TECTB: variants seen among roughly 807,000 people sequenced by gnomAD.
TECTB encodes tectorin beta, also known as beta-tectorin.
Under a neutral mutation model 43.3 loss-of-function variants are expected in TECTB, and 45 were observed. That is an observed-to-expected ratio of 1.04 (90% CI 0.82 to 1.33). The LOEUF is 1.33. TECTB is among the 40% of genes most tolerant of loss of function. The pLI, the probability that TECTB is intolerant of heterozygous loss-of-function variation, is 0.00. For missense variants in TECTB, 399 were observed against 404.7 expected (o/e 0.99, Z 0.12); for synonymous variants, 169 against 156.7 (o/e 1.08, Z -0.59).
At chr10:112,286,647 T>G (rs11195871) in intron 5 of TECTB, among the ~76,000 whole-genome samples, 12,380 of 152,166 alleles carry the variant, frequency 0.081, 685 homozygotes, top group East Asian at 0.23. Flanking sequence ...TGGCCAGGCG[T>G]GGTAGTTCAC....
chr10:112,301,264 C>T (rs922775531), intron 9 of TECTB, among the ~76,000 whole-genome samples: 4 of 151,944 alleles, frequency 2.6e-5, no homozygotes, highest in African/African-American at 4.8e-5. Flanking sequence ...AAAAATTATC[C>T]GGGAGTGGTG....
At chr10:112,301,733 TTTTA>T (rs59706009) in intron 9 of TECTB, among the ~76,000 whole-genome samples, 6 of 152,038 alleles carry the variant, frequency 3.9e-5, no homozygotes, top group Non-Finnish European at 7.4e-5. Flanking sequence ...AGGTTTTGTG[TTTTA>T]TTTATTTATT....
At chr10:112,284,453 G>A in intron 2 of TECTB, 82 bp from the exon 3 acceptor site, 1 of 1,359,362 alleles carries the variant, frequency 7.4e-7, no homozygotes, top group South Asian at 1.8e-5. Flanking sequence ...GCATGCTCAG[G>A]TGTAGCTGGA....
chr10:112,303,235 G>A, intron 10 of TECTB, 28 bp from the exon 11 acceptor site: 3 of 1,613,812 alleles, frequency 1.9e-6, no homozygotes, highest in Non-Finnish European at 2.5e-6. Flanking sequence ...GTCTCTGAGT[G>A]CCATCTCCCT....
intron 3 of TECTB, among the ~76,000 whole-genome samples, chr10:112,285,450 G>A (rs1412012053): frequency 2.2e-4 from 33 of 152,158 alleles, no homozygotes; most frequent in Non-Finnish European, 8.8e-5. Flanking sequence ...GGCCTCACAA[G>A]GATTCAGTGA....
At chr10:112,301,955 C>A in intron 9 of TECTB, 146 bp from the exon 10 acceptor site, 1 of 841,652 alleles carries the variant, frequency 1.2e-6, no homozygotes, top group Non-Finnish European at 1.8e-6. Flanking sequence ...AAGTGACCCG[C>A]CCACCTGGGC....
intron 7 of TECTB, among the ~76,000 whole-genome samples, chr10:112,297,607 A>G (rs936048332): frequency 2.6e-5 from 4 of 152,226 alleles, no homozygotes; most frequent in African/African-American, 9.6e-5. Flanking sequence ...TACCATAAAT[A>G]CAAATTTTCA....
At chr10:112,300,230 TAAAGAAAGAAAGAAAG>T (rs1554854200) in intron 9 of TECTB, among the ~76,000 whole-genome samples, 28 of 55,034 alleles carry the variant, frequency 5.1e-4, no homozygotes, top group African/African-American at 1.5e-3. Context: ...CAGAAAGAAA[TAAAGAAAGAAAGAAAG>T]AAAGAAAGAA....
chr10:112,289,917 T>C (rs1232778823), intron 5 of TECTB, among the ~76,000 whole-genome samples: 1 of 152,118 alleles, frequency 6.6e-6, no homozygotes, highest in African/African-American at 2.4e-5. Context: ...ACATGAACTA[T>C]TGTTAAGCCA....
At position 112,286,210 on chromosome 10, in the gene TECTB, A is replaced by T; in HGVS notation, c.407A>T (p.Gln136Leu). 1.9e-6 allele frequency: 3 copies of T among 1,614,152 alleles called. No homozygotes were observed. The highest frequency in any genetic ancestry group is 2.5e-6 in the Non-Finnish European group (3 of 1,180,006). Reference protein sequence around the residue: ...TYLVNQAAFDQRVATVHVKNG... With the variant: ...TYLVNQAAFDLRVATVHVKNG... ...TTGGTGAACCAGGCTGCCTTTGACC[A>T]GAGGTAAGTTGCTGTGCGGCATGGA... is the stretch of plus-strand genomic sequence containing the variant. Residue 136 changes from glutamine (Q) to leucine (L), a missense_variant, in exon 4 of 11, where the codon CAG (glutamine) becomes CTG (leucine). Physicochemically the swap from Gln to Leu is moderately radical, Grantham distance 113 (BLOSUM62 -2). Coordinates refer to ENST00000646139, the MANE Select transcript of TECTB (RefSeq NM_058222.3).
Position 112,302,153 on chromosome 10 carries a change from C to G in TECTB, c.940+20C>G. The G allele has an allele frequency of 6.2e-7, 1 of 1,613,894 alleles. No individual in the cohort carries two copies. Reference sequence around the variant, plus strand: ...TCTCAGGTAAGGAAAAGAGACACTTCTGGGATTTCGTGGGGCTATGCTGTT... The same window carrying G: ...TCTCAGGTAAGGAAAAGAGACACTTGTGGGATTTCGTGGGGCTATGCTGTT... On this transcript the variant is annotated intron_variant, in intron 10 of 10. Transcript: ENST00000646139.
chr10:112,294,292 G>A (rs1383546290), intron 7 of TECTB, among the ~76,000 whole-genome samples: 3 of 152,120 alleles, frequency 2.0e-5, no homozygotes, highest in Admixed American at 6.5e-5. Flanking sequence ...CCTTTAAGCC[G>A]TACAACAAGA....
intron 3 of TECTB, among the ~76,000 whole-genome samples, chr10:112,285,207 G>T (rs1168539315): frequency 6.6e-6 from 1 of 152,210 alleles, no homozygotes; most frequent in African/African-American, 2.4e-5. Flanking sequence ...TTAGGAAACA[G>T]ACGCCCTCTT....
intron 9 of TECTB, 31 bp downstream of exon 9, chr10:112,299,595 AACGGTTGAGTTCACGCTGGGCTGCGTCC>A (rs1350167306): frequency 6.2e-7 from 1 of 1,606,772 alleles, no homozygotes; most frequent in East Asian, 2.2e-5. Context: ...CTGTTTTCCA[AACGGTTGAGTTCACGCTGGGCTGCGTCC>A]ACAGGCACAG....
chr10:112,297,545 T>C (rs1848559455), intron 7 of TECTB, among the ~76,000 whole-genome samples: 1 of 152,210 alleles, frequency 6.6e-6, no homozygotes, highest in South Asian at 2.1e-4. Flanking sequence ...ATTAAAAATG[T>C]GACCACATTT....
intron 2 of TECTB, 33 bp downstream of exon 2, chr10:112,283,843 G>A (rs769699239): frequency 4.9e-5 from 79 of 1,606,556 alleles, no homozygotes; most frequent in South Asian, 2.7e-4. Flanking sequence ...TTCCTGGGAC[G>A]AAAAGTTTCC....
rs74158708 is a variant in TECTB, at chr10:112,283,678, G to A, written c.-57G>A. The A allele has an allele frequency of 3.6e-3, 5,644 of 1,562,480 alleles. 191 individuals carry two copies. The African/African-American group carries it at 0.067, about 19-fold the overall frequency. On this transcript the variant is annotated 5_prime_UTR_variant, in exon 2 of 11. Coordinates refer to ENST00000646139, the MANE Select transcript of TECTB (RefSeq NM_058222.3). Reference sequence around the variant, plus strand: ...TCGAGGCTCAGGCCCTGGAAGGACCGTAAACATTTGGCCAGCTTGGTTTGG... The same window carrying A: ...TCGAGGCTCAGGCCCTGGAAGGACCATAAACATTTGGCCAGCTTGGTTTGG...
chr10:112,289,683 G>C (rs927712186), intron 5 of TECTB, among the ~76,000 whole-genome samples: 5 of 152,104 alleles, frequency 3.3e-5, no homozygotes, highest in African/African-American at 9.7e-5. Flanking sequence ...CACCATCCTA[G>C]TCACTCTTCT....
At chr10:112,296,482 A>T (rs1299324938) in intron 7 of TECTB, among the ~76,000 whole-genome samples, 3 of 152,072 alleles carry the variant, frequency 2.0e-5, no homozygotes, top group Non-Finnish European at 4.4e-5. Context: ...CCACTGGCTG[A>T]CCATGCCTGG....
Sources: gnomAD v4.1 joint callset for allele counts (sites outside exome capture counted in the v4.1 genomes callset) on GRCh38, gnomAD v4.1.1 for gene constraint, MANE v1.5 for transcripts, NCBI Gene and HGNC (gene_info 2026-07-23, HGNC 2026-07-21) for gene names.